IQCM: variants seen among roughly 807,000 people sequenced by gnomAD.
The protein encoded by IQCM is IQ motif containing M.
IQCM carries 45 observed loss-of-function variants against 57.6 expected under a neutral mutation model. The ratio of observed to expected loss-of-function variants is 0.78; its 90% CI spans 0.62 to 1.00. IQCM has a LOEUF of 1.00. Ranked by LOEUF, IQCM falls within the 50% of genes least tolerant of loss-of-function variation. IQCM has a pLI of 0.00. For synonymous variants in IQCM, 148 were observed against 158.9 expected (o/e 0.93, Z 0.51); for missense variants, 468 against 511.6 (o/e 0.91, Z 0.82).
At chr4:149,583,842 CT>C (rs1400910408) in intron 9 of IQCM, among the ~76,000 whole-genome samples, 2 of 151,224 alleles carry the variant, frequency 1.3e-5, no homozygotes, top group Non-Finnish European at 3.0e-5. Flanking sequence ...TTCCCTTTAG[CT>C]AATAATATAA....
intron 13 of IQCM, among the ~76,000 whole-genome samples, chr4:149,421,140 T>C (rs1734092200): frequency 1.3e-5 from 2 of 152,142 alleles, no homozygotes; most frequent in Non-Finnish European, 2.9e-5. Flanking sequence ...ATCTATTCAA[T>C]GTCCAGTTGC....
At chr4:149,580,977 T>C (rs1053159604) in intron 9 of IQCM, among the ~76,000 whole-genome samples, 2 of 151,666 alleles carry the variant, frequency 1.3e-5, no homozygotes, top group Non-Finnish European at 2.9e-5. Context: ...ACAAAAAAAT[T>C]CCCCTGTCCT....
intron 12 of IQCM, among the ~76,000 whole-genome samples, chr4:149,470,826 A>C (rs1457875253): frequency 6.6e-6 from 1 of 152,136 alleles, no homozygotes; most frequent in Non-Finnish European, 1.5e-5. Flanking sequence ...ACTCAAAACC[A>C]CTCAATTACA....
chr4:149,476,329 T>G (rs1230112088), intron 12 of IQCM, among the ~76,000 whole-genome samples: 1 of 152,216 alleles, frequency 6.6e-6, no homozygotes, highest in African/African-American at 2.4e-5. Flanking sequence ...GAATCTTAGT[T>G]TCCTTACTTA....
intron 7 of IQCM, among the ~76,000 whole-genome samples, chr4:149,671,571 G>A (rs1413318201): frequency 1.3e-5 from 2 of 152,124 alleles, no homozygotes; most frequent in African/African-American, 4.8e-5. Context: ...TCTGATGTTA[G>A]GGTGTCAATT....
intron 11 of IQCM, 48 bp downstream of exon 11, chr4:149,553,095 A>T (rs1749188466): frequency 1.6e-6 from 2 of 1,220,258 alleles, no homozygotes; most frequent in Admixed American, 4.2e-5. Context: ...CCAATGGCTA[A>T]ATTAACTCCA....
In IQCM at chr4:149,702,272, C is replaced by G. The variant is rs12506018; in HGVS notation, c.386-15804G>C. Reference sequence around the variant, plus strand: ...CCTGACGACTTCCTTCATTCTCCCTCTATACACTCACTGATGACTCCCTCA... The same window carrying G: ...CCTGACGACTTCCTTCATTCTCCCTGTATACACTCACTGATGACTCCCTCA... On this transcript the variant is annotated intron_variant, in intron 5 of 13. Transcript: ENST00000636793. 6.2e-3 allele frequency among the ~76,000 whole-genome samples: 924 copies of G among 149,572 alleles called. 28 individuals carry two copies. Among genetic ancestry groups the G allele is most frequent in the Admixed American group, 0.053 (784 of 14,774 alleles).
chr4:149,493,045 T>A (rs1742263169), intron 12 of IQCM, among the ~76,000 whole-genome samples: 1 of 152,022 alleles, frequency 6.6e-6, no homozygotes. Flanking sequence ...GTATAAGACT[T>A]ACTTATGATG....
At chr4:149,682,492 C>A (rs1762251861) in intron 6 of IQCM, among the ~76,000 whole-genome samples, 1 of 151,096 alleles carries the variant, frequency 6.6e-6, no homozygotes. Flanking sequence ...AGCATCATAT[C>A]TATCTATTTC....
At chr4:149,774,770 CAA>C (rs566184766) in intron 2 of IQCM, among the ~76,000 whole-genome samples, 54 of 110,870 alleles carry the variant, frequency 4.9e-4, no homozygotes, top group Admixed American at 4.6e-4. Context: ...TTCTTAAAAC[CAA>C]AAAAAAAAAA....
intron 13 of IQCM, among the ~76,000 whole-genome samples, chr4:149,388,144 T>C (rs1411098286): frequency 3.3e-5 from 5 of 151,956 alleles, no homozygotes; most frequent in Non-Finnish European, 5.9e-5. Flanking sequence ...TTGCTATGAA[T>C]AGTTGTTGAT....
chr4:149,678,239 C>A (rs1561144723), intron 7 of IQCM, among the ~76,000 whole-genome samples: 1 of 151,624 alleles, frequency 6.6e-6, no homozygotes, highest in Non-Finnish European at 1.5e-5. Flanking sequence ...GATAATCAGA[C>A]CCTCAAAGGT....
Position 149,659,298 on chromosome 4 carries a change from G to A in IQCM, c.565+22820C>T, listed in dbSNP as rs527790567. ...CAAGGGACGTGAAGGACCCCTTCAA[G>A]AACTACAAACCACCGCTCAATGAAA... is the stretch of plus-strand genomic sequence containing the variant. On this transcript the variant is annotated intron_variant, in intron 7 of 13. Coordinates refer to ENST00000636793, the MANE Select transcript of IQCM (RefSeq NM_001363507.2). Among the ~76,000 whole-genome samples, 15 of 152,116 alleles carry A rather than the reference G, an allele frequency of 9.9e-5. No homozygotes were observed. In the South Asian group the frequency reaches 3.1e-3, roughly 32 times the overall value.
chr4:149,685,860 C>T (rs1762508942), intron 6 of IQCM, among the ~76,000 whole-genome samples: 1 of 151,382 alleles, frequency 6.6e-6, no homozygotes, highest in Non-Finnish European at 1.5e-5. Context: ...CTATTTCATG[C>T]AATAATTCAG....
intron 12 of IQCM, among the ~76,000 whole-genome samples, chr4:149,448,576 C>G (rs1736755882): frequency 6.6e-6 from 1 of 151,094 alleles, no homozygotes; most frequent in African/African-American, 2.4e-5. Context: ...TATTTAAGAT[C>G]AATAGAATTG....
At position 149,728,157 on chromosome 4, in the gene IQCM, T is replaced by A. The variant is rs539904238; in HGVS notation, c.385+5087A>T. On this transcript the variant is annotated intron_variant, in intron 5 of 13. Transcript: ENST00000636793. ...AGAACTGCAATCACATTAACTCTTT[T>A]TTCACTTATTTGAAAGTTCTTCCAT... 8.2e-4 allele frequency among the ~76,000 whole-genome samples: 125 copies of A among 152,322 alleles called. No homozygotes were observed. The South Asian group carries it at 9.5e-3, about 12-fold the overall frequency.
rs530757949 is a variant in IQCM at position 149,500,689 on chromosome 4, G to T, written c.1228+47766C>A. Among the ~76,000 whole-genome samples, 9 of 152,246 alleles carry T rather than the reference G, an allele frequency of 5.9e-5. No homozygotes were observed. In the East Asian group the frequency reaches 1.4e-3, roughly 23 times the overall value. On this transcript the variant is annotated intron_variant, in intron 12 of 13. Transcript: ENST00000636793. ...ACTGGGACAGGTTTTTAAGCAGATG[G>T]CTTGTATATATTTAGGAAGAAAAGA...
Position 149,723,802 on chromosome 4 carries a change from T to C in IQCM, c.385+9442A>G, listed in dbSNP as rs28627555. On this transcript the variant is annotated intron_variant, in intron 5 of 13. Transcript: ENST00000636793. The stretch of plus-strand genomic sequence containing the variant: ...TGGTACCAGGGTGATACTGGCTTCA[T>C]AGAATGAGTTAGGGTGGATTTCCTC... Among the ~76,000 whole-genome samples the C allele has an allele frequency of 7.7e-3, 1,175 of 152,198 alleles. 17 individuals carry two copies. Among genetic ancestry groups the C allele is most frequent in the African/African-American group, 0.023 (947 of 41,556 alleles).
At chr4:149,374,967 T>TTGTG (rs145080282) in intron 13 of IQCM, among the ~76,000 whole-genome samples, 3,683 of 125,378 alleles carry the variant, frequency 0.029, 132 homozygotes, top group African/African-American at 0.088. Context: ...CACACTTTCT[T>TTGTG]TGTGTGTGTG....
Sources: gnomAD v4.1 joint callset for allele counts (sites outside exome capture counted in the v4.1 genomes callset) on GRCh38, gnomAD v4.1.1 for gene constraint, MANE v1.5 for transcripts, NCBI Gene and HGNC (gene_info 2026-07-23, HGNC 2026-07-21) for gene names.